Variants in FAM171A1 observed in about 807,000 individuals in gnomAD.
The protein encoded by FAM171A1 is family with sequence similarity 171 member A1.
In FAM171A1, 23 loss-of-function variants were observed where a neutral mutation model predicts 74.9. The ratio of observed to expected loss-of-function variants is 0.31; its 90% CI spans 0.22 to 0.44. FAM171A1 has a LOEUF of 0.44. Among genes scored for constraint, FAM171A1 ranks in the 20% least tolerant of loss-of-function variants. The pLI is 1.00. For missense variants in FAM171A1, 1,162 were observed against 1,159.2 expected (o/e 1.00, Z -0.03); for synonymous variants, 527 against 505.7 (o/e 1.04, Z -0.57).
chr10:15,213,869 A>G lies in FAM171A1; in HGVS notation c.1719T>C (p.Val573=), dbSNP rs1369783991. 1 of 1,614,114 alleles carries G rather than the reference A, an allele frequency of 6.2e-7. No homozygotes were observed. Among genetic ancestry groups the G allele is most frequent in the Non-Finnish European group, 8.5e-7 (1 of 1,180,010 alleles). ...CSSVDQVNDS[V]YRKVLPALVI... is the part of the protein sequence containing the mutation. ...CCAAGGCAGGCAGTACTTTCCTGTA[A>G]ACGCTGTCATTGACCTGGTCGACAG... Residue 573 remains valine, a synonymous_variant, in exon 8 of 8, where the codon GTT becomes GTC. Coordinates refer to ENST00000378116, the MANE Select transcript of FAM171A1 (RefSeq NM_001010924.2). This position sits in a 1 kb window ranked among gnomAD's most constrained non-coding sequence, Gnocchi z 6.8.
chr10:15,323,324 G>A (rs1455781522), intron 1 of FAM171A1, among the ~76,000 whole-genome samples: 4 of 151,728 alleles, frequency 2.6e-5, no homozygotes, highest in African/African-American at 4.8e-5. Flanking sequence ...GTGGTGGCAC[G>A]CATCTGTAAT....
intron 1 of FAM171A1, among the ~76,000 whole-genome samples, chr10:15,323,503 C>G (rs1007040354): frequency 2.0e-5 from 3 of 151,978 alleles, no homozygotes; most frequent in African/African-American, 7.2e-5. Flanking sequence ...TAAAGTACAC[C>G]TCTTTTTAAG....
intron 1 of FAM171A1, among the ~76,000 whole-genome samples, chr10:15,291,456 T>C (rs1401452751): frequency 6.6e-6 from 1 of 152,222 alleles, no homozygotes; most frequent in East Asian, 1.9e-4. Flanking sequence ...CAGCCGTGAC[T>C]GGCTAGCGGT....
intron 1 of FAM171A1, among the ~76,000 whole-genome samples, chr10:15,293,890 G>C (rs1455110653): frequency 6.6e-6 from 1 of 152,180 alleles, no homozygotes; most frequent in Non-Finnish European, 1.5e-5. Context: ...TCCTCCCTTT[G>C]AGGAATACCA....
Position 15,275,740 on chromosome 10 carries a change from G to A in FAM171A1, c.418+115C>T, listed in dbSNP as rs186981190. On this transcript the variant is annotated intron_variant, in intron 3 of 7. Transcript: ENST00000378116. ...AAGTTAATGATGGGTTAATGTGTTT[G>A]ATTTAATCAATCCACCTTGTATACA... The A allele has an allele frequency of 1.1e-5, 7 of 615,430 alleles. No individual in the cohort carries two copies. The East Asian group carries it at 2.1e-4, about 18-fold the overall frequency. The allele number at this position is 615,430 out of a possible 1,614,324, so 38.1% of individuals were successfully genotyped here. A position where few individuals can be genotyped will look rare whatever the true frequency, so the allele number is the denominator to read the frequency against.
chr10:15,227,440 T>C (rs1564615873), intron 5 of FAM171A1, among the ~76,000 whole-genome samples: 1 of 152,248 alleles, frequency 6.6e-6, no homozygotes, highest in Admixed American at 6.5e-5. Flanking sequence ...TGGAGGGCAG[T>C]GGTGCAATCA....
intron 2 of FAM171A1, among the ~76,000 whole-genome samples, chr10:15,277,241 G>C (rs1267131873): frequency 6.6e-6 from 1 of 152,084 alleles, no homozygotes; most frequent in East Asian, 1.9e-4. Context: ...TTTTGAGACA[G>C]AGTTTCACTC....
At chr10:15,253,501 C>T (rs1051786635) in intron 4 of FAM171A1, among the ~76,000 whole-genome samples, 1 of 152,062 alleles carries the variant, frequency 6.6e-6, no homozygotes. Context: ...AAAGAAGAAA[C>T]GTTTTGGAAA....
chr10:15,330,337 T>C lies in FAM171A1; in HGVS notation c.97+40619A>G, dbSNP rs1220642350. On this transcript the variant is annotated intron_variant, in intron 1 of 7. Transcript: ENST00000378116. ...CTGGGCAACAGACCAAGACTTTTTC[T>C]GAATTATTTTACCACAGTGTCAAAA... is the stretch of plus-strand genomic sequence containing the variant. 2.6e-5 allele frequency among the ~76,000 whole-genome samples: 4 copies of C among 152,236 alleles called. No individual in the cohort carries two copies. In the East Asian group the frequency reaches 7.7e-4, roughly 29 times the overall value.
At chr10:15,355,484 G>A (rs137917013) in intron 1 of FAM171A1, among the ~76,000 whole-genome samples, 15,059 of 152,128 alleles carry the variant, frequency 0.099, 819 homozygotes, top group Middle Eastern at 0.16. Flanking sequence ...TTGGGAGGCC[G>A]AGGCAGGTAG....
chr10:15,301,422 T>C (rs1317716074), intron 1 of FAM171A1, among the ~76,000 whole-genome samples: 3 of 151,550 alleles, frequency 2.0e-5, no homozygotes, highest in Non-Finnish European at 2.9e-5. Context: ...AGCCTGGTCT[T>C]GAACTCCTGA....
chr10:15,237,776 ACCC>A (rs1834312194), intron 5 of FAM171A1: 1 of 72,462 alleles, frequency 1.4e-5, no homozygotes. Flanking sequence ...CAGGTACATT[ACCC>A]CCTTTTCCCC....
intron 1 of FAM171A1, among the ~76,000 whole-genome samples, chr10:15,361,966 T>C (rs1481237631): frequency 1.3e-5 from 2 of 152,206 alleles, no homozygotes; most frequent in Admixed American, 6.5e-5. Context: ...AACAAAATTA[T>C]AAAACAATCT....
At chr10:15,307,032 A>G (rs1044089974) in intron 1 of FAM171A1, among the ~76,000 whole-genome samples, 8 of 152,112 alleles carry the variant, frequency 5.3e-5, no homozygotes, top group African/African-American at 9.7e-5. Context: ...GCGGATATCC[A>G]CTTACATCCA....
At chr10:15,310,388 CAT>C (rs1835346013) in intron 1 of FAM171A1, among the ~76,000 whole-genome samples, 3 of 152,170 alleles carry the variant, frequency 2.0e-5, no homozygotes. Context: ...GAAGGTTAAA[CAT>C]GTCCTACAAA....
At chr10:15,282,926 A>G (rs1834988613) in intron 2 of FAM171A1, among the ~76,000 whole-genome samples, 1 of 152,200 alleles carries the variant, frequency 6.6e-6, no homozygotes, top group African/African-American at 2.4e-5. Flanking sequence ...ACTGCTGATA[A>G]GCCAAACTAA....
intron 3 of FAM171A1, among the ~76,000 whole-genome samples, chr10:15,268,231 T>A (rs1037608207): frequency 6.6e-6 from 1 of 152,076 alleles, no homozygotes; most frequent in African/African-American, 2.4e-5. Context: ...GGGAAAACCA[T>A]TGAAGATCCA....
chr10:15,248,796 G>A lies in FAM171A1; in HGVS notation c.597C>T (p.Asp199=). 6.2e-7 allele frequency: 1 copy of A among 1,611,448 alleles called. No individual in the cohort carries two copies. Among genetic ancestry groups the A allele is most frequent in the Non-Finnish European group, 8.5e-7 (1 of 1,178,846 alleles). ...GNGTGNSTRH[D]LTPVTAVSVH... ...CGCTGACGGCTGTGACTGGGGTCAG[G>A]TCATGCCTGGTGCTGTTTCCTAGAA... Residue 199 remains aspartate (D), a synonymous_variant, in exon 5 of 8, where the codon GAC becomes GAT. Transcript: ENST00000378116.
Position 15,303,177 on chromosome 10 carries a change from A to C in FAM171A1, c.98-19072T>G, listed in dbSNP as rs567440029. ...GCACTCCAGCCTGGGCGACAAAAGC[A>C]AAGCTCCATCTCAAAAAAAAAGTCC... On this transcript the variant is annotated intron_variant, in intron 1 of 7. Coordinates refer to ENST00000378116, the MANE Select transcript of FAM171A1 (RefSeq NM_001010924.2). Among the ~76,000 whole-genome samples the C allele has an allele frequency of 1.6e-4, 25 of 152,304 alleles. No homozygotes were observed. The East Asian group carries it at 4.8e-3, about 29-fold the overall frequency.
Sources: allele counts gnomAD v4.1 joint callset (sites outside exome capture counted in the v4.1 genomes callset), GRCh38; gene constraint gnomAD v4.1.1; non-coding constraint Gnocchi (gnomAD v3.1); transcripts MANE v1.5; gene names NCBI Gene and HGNC (gene_info 2026-07-23, HGNC 2026-07-21).